The following ESRRG variants were observed in gnomAD, a reference collection of about 807,000 sequenced individuals.
ESRRG encodes estrogen-related receptor gamma.
ESRRG carries 13 observed loss-of-function variants against 44.0 expected under a neutral mutation model. The observed-to-expected ratio is 0.30, with a 90% CI of 0.19 to 0.47. The LOEUF (loss-of-function observed/expected upper bound fraction) is 0.47, where lower values mean the gene tolerates loss of function less well. ESRRG is among the 20% of genes least tolerant of loss of function. The pLI, the probability that ESRRG is intolerant of heterozygous loss-of-function variation, is 1.00. For missense variants in ESRRG, 395 were observed against 580.6 expected, an observed-to-expected ratio of 0.68 and a Z score of 3.29; for synonymous variants, 215 against 214.6, an observed-to-expected ratio of 1.00 and a Z score of -0.02.
intron 1 of ESRRG, among the ~76,000 whole-genome samples, chr1:217,026,118 C>A (rs1403673012): frequency 6.6e-6 from 1 of 152,150 alleles, no homozygotes; most frequent in Non-Finnish European, 1.5e-5. Context: ...TCTCATCTGG[C>A]CTACTGAGCC....
intron 1 of ESRRG, among the ~76,000 whole-genome samples, chr1:216,965,923 C>A (rs748611500): frequency 1.6e-4 from 24 of 152,282 alleles, no homozygotes; most frequent in Non-Finnish European, 2.9e-4. Context: ...AATGTACTAA[C>A]AAAATACCTG....
chr1:216,835,203 G>A (rs1211431662), intron 2 of ESRRG, among the ~76,000 whole-genome samples: 1 of 152,166 alleles, frequency 6.6e-6, no homozygotes, highest in Non-Finnish European at 1.5e-5. Context: ...AACTTCAGCT[G>A]ATTAAATTTA....
intron 1 of ESRRG, among the ~76,000 whole-genome samples, chr1:216,985,221 A>T (rs867231522): frequency 6.6e-6 from 1 of 152,192 alleles, no homozygotes; most frequent in African/African-American, 2.4e-5. Flanking sequence ...GATTCTTTTG[A>T]ACAGCCTAAT....
At chr1:216,943,108 T>G (rs988418701) in intron 1 of ESRRG, among the ~76,000 whole-genome samples, 19 of 152,314 alleles carry the variant, frequency 1.2e-4, no homozygotes, top group African/African-American at 3.8e-4. Flanking sequence ...GATTTTGCAT[T>G]GCAAGATTCC....
Position 216,568,208 on chromosome 1 carries a change from C to T in ESRRG, c.590-110G>A, listed in dbSNP as rs2060029433. The T allele has an allele frequency of 3.9e-6, 3 of 765,596 alleles. No homozygotes were observed. In the African/African-American group the frequency reaches 5.1e-5, roughly 13 times the overall value. 47.4% of individuals were successfully genotyped at this position (765,596 alleles called of 1,614,324 possible). On this transcript the variant is annotated intron_variant, in intron 3 of 6. Coordinates refer to ENST00000408911, the MANE Select transcript of ESRRG (RefSeq NM_001438.4). ...CACATAGGTGACAAACAGTAGAATG[C>T]AGAATGGACCAGGGGTACTCAAATA...
chr1:216,990,406 T>A (rs190498645), intron 1 of ESRRG, among the ~76,000 whole-genome samples: 70 of 152,326 alleles, frequency 4.6e-4, no homozygotes, highest in African/African-American at 1.3e-3. Context: ...TTATATATAT[T>A]TTTTAAACAT....
chr1:216,778,982 T>C (rs773572910), intron 2 of ESRRG, among the ~76,000 whole-genome samples: 20 of 149,878 alleles, frequency 1.3e-4, no homozygotes, highest in Non-Finnish European at 1.5e-5. Flanking sequence ...CAGTCACTCA[T>C]CAACTCTGTT....
intron 2 of ESRRG, among the ~76,000 whole-genome samples, chr1:216,791,637 A>T (rs2094324149): frequency 6.6e-6 from 1 of 152,148 alleles, no homozygotes; most frequent in Non-Finnish European, 1.5e-5. Flanking sequence ...ACATTCTAAG[A>T]TATATTTACA....
chr1:216,740,139 T>C (rs11572659), intron 2 of ESRRG, among the ~76,000 whole-genome samples: 6,085 of 152,320 alleles, frequency 0.04, 194 homozygotes, highest in Middle Eastern at 0.048. Flanking sequence ...CTCTAAATTC[T>C]CTATTTTGAA....
chr1:216,519,814 T>TTAAA (rs559109805), intron 5 of ESRRG, among the ~76,000 whole-genome samples: 2 of 118,988 alleles, frequency 1.7e-5, no homozygotes, highest in East Asian at 4.9e-4. Flanking sequence ...AACATAAAAG[T>TTAAA]AAAAAAAAAA....
intron 1 of ESRRG, among the ~76,000 whole-genome samples, chr1:216,959,892 T>C (rs1422233671): frequency 6.6e-6 from 1 of 152,116 alleles, no homozygotes; most frequent in Non-Finnish European, 1.5e-5. Context: ...TAACCTATAC[T>C]GAGCACTTAC....
intron 1 of ESRRG, among the ~76,000 whole-genome samples, chr1:217,135,576 C>A (rs904105197): frequency 3.3e-5 from 5 of 151,552 alleles, no homozygotes; most frequent in Admixed American, 6.6e-5. Flanking sequence ...AGGGCGGCTG[C>A]ACCTCCTCCC....
At chr1:217,082,573 G>T (rs12023019) in intron 1 of ESRRG, among the ~76,000 whole-genome samples, 14,818 of 152,002 alleles carry the variant, frequency 0.097, 795 homozygotes, top group East Asian at 0.24. Context: ...GCACACACTA[G>T]TTTGCCTCTT....
At chr1:216,949,542 C>G (rs1027235513) in intron 1 of ESRRG, among the ~76,000 whole-genome samples, 2 of 152,114 alleles carry the variant, frequency 1.3e-5, no homozygotes, top group African/African-American at 4.8e-5. Context: ...TCATAGTTAG[C>G]ACCCATGATA....
intron 2 of ESRRG, among the ~76,000 whole-genome samples, chr1:216,840,702 G>A (rs2095638834): frequency 6.6e-6 from 1 of 152,032 alleles, no homozygotes; most frequent in African/African-American, 2.4e-5. Flanking sequence ...TTACTAATTG[G>A]CCTGATTTTG....
chr1:216,565,043 TAC>T (rs2059441088), intron 4 of ESRRG, among the ~76,000 whole-genome samples: 3 of 152,228 alleles, frequency 2.0e-5, no homozygotes, highest in Admixed American at 1.3e-4. Context: ...CCTTAAATGT[TAC>T]AGTCATTTTC....
chr1:216,899,744 A>G (rs905142790), intron 2 of ESRRG, among the ~76,000 whole-genome samples: 1 of 152,194 alleles, frequency 6.6e-6, no homozygotes, highest in Non-Finnish European at 1.5e-5. Context: ...TGATGCTAAC[A>G]TTGATGTGCT....
At chr1:216,940,866 G>C (rs550378189) in intron 1 of ESRRG, among the ~76,000 whole-genome samples, 1 of 152,130 alleles carries the variant, frequency 6.6e-6, no homozygotes, top group Admixed American at 6.6e-5. Flanking sequence ...TCATATCTTG[G>C]TAATTTACTG....
intron 3 of ESRRG, among the ~76,000 whole-genome samples, chr1:216,636,053 GAT>G (rs2065231229): frequency 6.6e-6 from 1 of 152,128 alleles, no homozygotes; most frequent in Non-Finnish European, 1.5e-5. Context: ...AACTCTGTAG[GAT>G]AGGCCATTAC....
Sources: gnomAD v4.1 joint callset for allele counts (sites outside exome capture counted in the v4.1 genomes callset) on GRCh38, gnomAD v4.1.1 for gene constraint, MANE v1.5 for transcripts, NCBI Gene and HGNC (gene_info 2026-07-23, HGNC 2026-07-21) for gene names.